Variants in OSBPL8 observed in about 807,000 individuals in gnomAD.
OSBPL8 encodes oxysterol binding protein like 8.
A neutral mutation model predicts 125.5 loss-of-function variants in OSBPL8; 59 were observed. The ratio of observed to expected loss-of-function variants is 0.47; its 90% CI spans 0.38 to 0.58. OSBPL8 has a LOEUF of 0.58. OSBPL8 is among the 20% of genes least tolerant of loss of function. OSBPL8 has a pLI of 0.00. For synonymous variants in OSBPL8, 330 were observed against 338.9 expected (o/e 0.97, Z 0.29); for missense variants, 758 against 1,047.8 (o/e 0.72, Z 3.82).
chr12:76,538,410 C>T (rs1312841391), intron 1 of OSBPL8, among the ~76,000 whole-genome samples: 1 of 152,070 alleles, frequency 6.6e-6, no homozygotes, highest in African/African-American at 2.4e-5. Flanking sequence ...AGCAATAAAA[C>T]ACTAGTCAAG....
At chr12:76,512,820 T>C (rs1881135866) in intron 1 of OSBPL8, among the ~76,000 whole-genome samples, 1 of 152,254 alleles carries the variant, frequency 6.6e-6, no homozygotes, top group South Asian at 2.1e-4. Context: ...TCCATGAGCA[T>C]GGGAGGTTTT....
chr12:76,433,379 G>A (rs191633811), intron 4 of OSBPL8, among the ~76,000 whole-genome samples: 21 of 152,142 alleles, frequency 1.4e-4, no homozygotes, highest in Admixed American at 4.6e-4. Context: ...CAGTAAAGTT[G>A]CAGGATACAA....
At chr12:76,442,365 T>C (rs898789321) in intron 4 of OSBPL8, among the ~76,000 whole-genome samples, 3 of 152,194 alleles carry the variant, frequency 2.0e-5, no homozygotes, top group Non-Finnish European at 2.9e-5. Flanking sequence ...CCAAATATTA[T>C]ATTCTCTTTC....
intron 16 of OSBPL8, among the ~76,000 whole-genome samples, chr12:76,377,372 A>T (rs1189525309): frequency 6.6e-6 from 1 of 152,190 alleles, no homozygotes; most frequent in Non-Finnish European, 1.5e-5. Flanking sequence ...CAATAGCTGA[A>T]CTAATTTACA....
chr12:76,410,506 C>G (rs1954469711), intron 5 of OSBPL8, 58 bp downstream of exon 5: 4 of 1,249,770 alleles, frequency 3.2e-6, no homozygotes, highest in East Asian at 2.3e-5. Flanking sequence ...AGTGTTAGTT[C>G]CCTCATCTCA....
intron 2 of OSBPL8, among the ~76,000 whole-genome samples, chr12:76,474,294 A>G (rs1383799679): frequency 6.6e-6 from 1 of 152,148 alleles, no homozygotes; most frequent in South Asian, 2.1e-4. Context: ...CCATACCTCA[A>G]CTTAGTAGGT....
At position 76,402,754 on chromosome 12, in the gene OSBPL8, G is replaced by A; in HGVS notation, c.301C>T (p.Leu101Phe). Residue 101 changes from leucine (L) to phenylalanine (F), a missense_variant, in exon 6 of 24, where the codon CTT (leucine) becomes TTT (phenylalanine). Leu to Phe is a conservative substitution (Grantham distance 22). Around this residue, in one of 3 missense-constraint regions of OSBPL8, gnomAD observed 117 missense variants for 137.1 expected, o/e 0.85. Transcript: ENST00000261183. ...SMSKSKSESK[L>F]YNGSEKDSST... ...CTGTCCTTCTCTGAGCCATTATAAA[G>A]TTTAGATTCAGACTGAAATCATACA... is the stretch of plus-strand genomic sequence containing the variant. 1 of 1,599,006 alleles carries A rather than the reference G, an allele frequency of 6.3e-7. No individual in the cohort carries two copies. Among genetic ancestry groups the A allele is most frequent in the Non-Finnish European group, 8.6e-7 (1 of 1,167,962 alleles).
At chr12:76,466,378 A>G (rs1875442578) in intron 2 of OSBPL8, among the ~76,000 whole-genome samples, 1 of 152,234 alleles carries the variant, frequency 6.6e-6, no homozygotes, top group African/African-American at 2.4e-5. Flanking sequence ...GTACATTTTA[A>G]GAATCCAACT....
intron 22 of OSBPL8, 61 bp from the exon 23 acceptor site, chr12:76,356,789 T>C (rs1313277036): frequency 8.7e-7 from 1 of 1,153,360 alleles, no homozygotes; most frequent in Admixed American, 2.4e-5. Context: ...CAATTTAATG[T>C]GTCTCATGTA....
At chr12:76,466,890 C>T (rs760213779) in intron 2 of OSBPL8, among the ~76,000 whole-genome samples, 4 of 150,086 alleles carry the variant, frequency 2.7e-5, no homozygotes, top group African/African-American at 4.9e-5. Context: ...AACCCGGGGG[C>T]GGGGGCGGAG....
At chr12:76,422,529 G>A (rs1286555955) in intron 4 of OSBPL8, 1 of 456,458 alleles carries the variant, frequency 2.2e-6, no homozygotes, top group Non-Finnish European at 4.4e-6. Context: ...GAAGGAGAAA[G>A]TTCATTGTAT....
chr12:76,361,108 C>G (rs939310777), intron 21 of OSBPL8, among the ~76,000 whole-genome samples: 2 of 152,304 alleles, frequency 1.3e-5, no homozygotes, highest in Middle Eastern at 3.4e-3. Context: ...TGCAAATTTT[C>G]CAAACTTCTA....
At chr12:76,427,905 AT>A (rs1204428298) in intron 4 of OSBPL8, among the ~76,000 whole-genome samples, 1 of 152,102 alleles carries the variant, frequency 6.6e-6, no homozygotes, top group Non-Finnish European at 1.5e-5. Flanking sequence ...GCTTCTAAAA[AT>A]TAAATAGGTC....
At chr12:76,558,881 C>CT (rs1002340478) in intron 1 of OSBPL8, among the ~76,000 whole-genome samples, 2 of 152,182 alleles carry the variant, frequency 1.3e-5, no homozygotes, top group African/African-American at 4.8e-5. Flanking sequence ...GGCTTTCCTC[C>CT]TACGTTACAA....
chr12:76,542,217 T>C (rs1950665430), intron 1 of OSBPL8, among the ~76,000 whole-genome samples: 1 of 152,144 alleles, frequency 6.6e-6, no homozygotes, highest in Admixed American at 6.6e-5. Context: ...AATGCTTACT[T>C]CACCACTCCC....
intron 1 of OSBPL8, among the ~76,000 whole-genome samples, chr12:76,502,794 G>T (rs1880035245): frequency 6.6e-6 from 1 of 152,194 alleles, no homozygotes; most frequent in African/African-American, 2.4e-5. Flanking sequence ...GATAGTGGAA[G>T]AAGGTAGTTA....
At chr12:76,449,640 C>G (rs1238756386) in intron 4 of OSBPL8, among the ~76,000 whole-genome samples, 1 of 152,132 alleles carries the variant, frequency 6.6e-6, no homozygotes, top group Non-Finnish European at 1.5e-5. Flanking sequence ...TGCTCTTGAA[C>G]CTTTAGTACG....
At chr12:76,377,237 C>G (rs752386548) in intron 16 of OSBPL8, among the ~76,000 whole-genome samples, 1 of 152,132 alleles carries the variant, frequency 6.6e-6, no homozygotes, top group African/African-American at 2.4e-5. Context: ...AATAAACATA[C>G]GTGTACATGT....
At position 76,457,803 on chromosome 12, in the gene OSBPL8, A is replaced by T. The variant is rs1592716895; in HGVS notation, c.79+2056T>A. Among the ~76,000 whole-genome samples, 6 of 152,184 alleles carry T rather than the reference A, an allele frequency of 3.9e-5. No individual in the cohort carries two copies. The South Asian group carries it at 1.2e-3, about 31-fold the overall frequency. Reference sequence around the variant, plus strand: ...TCCATTTGTAAAAACCCAGTTCCTAAGATAAAATATTTCAGTTAATATTTA... The same window carrying T: ...TCCATTTGTAAAAACCCAGTTCCTATGATAAAATATTTCAGTTAATATTTA... On this transcript the variant is annotated intron_variant, in intron 3 of 23. Transcript: ENST00000261183.
Sources: allele counts gnomAD v4.1 joint callset (sites outside exome capture counted in the v4.1 genomes callset), GRCh38; gene constraint gnomAD v4.1.1; regional missense constraint gnomAD v4.1.1; transcripts MANE v1.5; gene names NCBI Gene and HGNC (gene_info 2026-07-23, HGNC 2026-07-21).